TGM7: variants seen among roughly 807,000 people sequenced by gnomAD.
TGM7 encodes transglutaminase 7.
TGM7 carries 74 observed loss-of-function variants against 79.5 expected under a neutral mutation model. The ratio of observed to expected loss-of-function variants is 0.93; its 90% CI spans 0.77 to 1.13. The LOEUF (loss-of-function observed/expected upper bound fraction) is 1.13, where lower values mean the gene tolerates loss of function less well. TGM7 is among the 50% of genes most tolerant of loss of function. The probability of loss-of-function intolerance (pLI) is 0.00; values close to 1 mark genes in which losing one functional copy is unlikely to be tolerated. For missense variants in TGM7, 912 were observed against 905.9 expected, an observed-to-expected ratio of 1.01 and a Z score of -0.09; for synonymous variants, 354 against 362.5, an observed-to-expected ratio of 0.98 and a Z score of 0.27.
intron 11 of TGM7, among the ~76,000 whole-genome samples, chr15:43,277,919 C>T (rs1252544006): frequency 6.6e-6 from 1 of 152,236 alleles, no homozygotes; most frequent in Admixed American, 6.5e-5. Flanking sequence ...GAATCATCTG[C>T]AGATCCCTTA....
At chr15:43,286,772 G>A (rs779564182) in intron 6 of TGM7, among the ~76,000 whole-genome samples, 5 of 152,330 alleles carry the variant, frequency 3.3e-5, no homozygotes, top group Admixed American at 1.3e-4. Flanking sequence ...GCACTGAATT[G>A]TAAATAATTG....
intron 9 of TGM7, among the ~76,000 whole-genome samples, chr15:43,281,120 C>T (rs1214154341): frequency 6.6e-6 from 1 of 152,262 alleles, no homozygotes. Context: ...CTGCATTCCA[C>T]AGGCACTGTT....
In TGM7 at chr15:43,292,905, G is replaced by A. The variant is rs1398792382; in HGVS notation, c.243C>T (p.Thr81=). The stretch of plus-strand genomic sequence containing the variant: ...TCCAGACATTCCCGGGCTGGACCCG[G>A]GTGAGGAAGAATGTGGCTCGGGTCC... ...LLGTRATFFL[T]RVQPGNVWSA... Residue 81 remains threonine (T), a synonymous_variant, in exon 3 of 13, where the codon ACC becomes ACT. Coordinates refer to ENST00000452443, the MANE Select transcript of TGM7 (RefSeq NM_052955.3). 6.2e-7 allele frequency: 1 copy of A among 1,613,730 alleles called. No individual in the cohort carries two copies. Among genetic ancestry groups the A allele is most frequent in the Admixed American group, 1.7e-5 (1 of 59,998 alleles).
chr15:43,293,611 A>C lies in TGM7; in HGVS notation c.31T>G (p.Ser11Ala), dbSNP rs2042975999. Residue 11 changes from serine to alanine, a missense_variant, in exon 2 of 13, where the codon TCT (serine) becomes GCT (alanine). Physicochemically the swap from Ser to Ala is moderately conservative, Grantham distance 99. Coordinates refer to ENST00000452443, the MANE Select transcript of TGM7 (RefSeq NM_052955.3). The part of the protein sequence containing the change: MDQVATLRLE[S>A]VDLQSSRNNK... ...TTCCTGGAGCTCTGCAGGTCGACAG[A>C]CTCAAGCCGCAAGGTTGCCACTAGG... 9 of 1,605,348 alleles carry C rather than the reference A, an allele frequency of 5.6e-6. No individual in the cohort carries two copies. The highest frequency in any genetic ancestry group is 7.6e-6 in the Non-Finnish European group (9 of 1,177,732).
Position 43,292,035 on chromosome 15 carries a change from A to T in TGM7, c.502T>A (p.Phe168Ile). The change falls in exon 4 of 13, where the codon TTT becomes ATT. Residue 168 changes from phenylalanine to isoleucine, a missense_variant. Physicochemically the swap from Phe to Ile is conservative, Grantham distance 21. Transcript: ENST00000452443. ...AATCTTTCATGACCCTTGTAAACAA[A>T]GCCATAATCTCGCATGATATACTCC... ...LQEYIMRDYG[F>I]VYKGHERFIT... is the part of the protein sequence containing the mutation. The T allele has an allele frequency of 1.2e-6, 2 of 1,614,098 alleles. No individual in the cohort carries two copies. The highest frequency in any genetic ancestry group is 1.7e-6 in the Non-Finnish European group (2 of 1,180,018).
At chr15:43,285,938 G>A (rs1241576888) in intron 6 of TGM7, among the ~76,000 whole-genome samples, 4 of 152,174 alleles carry the variant, frequency 2.6e-5, no homozygotes, top group Non-Finnish European at 4.4e-5. Context: ...CTGAGGGGAC[G>A]TGGGTACTGA....
Position 43,287,308 on chromosome 15 carries a change from G to A in TGM7, c.837C>T (p.Cys279=), listed in dbSNP as rs1291964821. Residue 279 remains cysteine, a synonymous_variant, in exon 6 of 13, where the codon TGC becomes TGT. Transcript: ENST00000452443. ...TGCACATAACAGAGGCGAAGACCCA[G>A]CACTGTCCGTACTTCACAGGCTGCC... ...RGGQPVKYGQ[C]WVFASVMCTV... The A allele has an allele frequency of 6.2e-7, 1 of 1,613,832 alleles. No individual in the cohort carries two copies. Among genetic ancestry groups the A allele is most frequent in the Non-Finnish European group, 8.5e-7 (1 of 1,180,006 alleles).
At chr15:43,277,096 T>C in intron 11 of TGM7, 101 bp from the exon 12 acceptor site, 2 of 1,486,636 alleles carry the variant, frequency 1.3e-6, no homozygotes, top group Non-Finnish European at 1.8e-6. Context: ...CACCAGGAAC[T>C]GCGGCTTAGA....
intron 4 of TGM7, among the ~76,000 whole-genome samples, chr15:43,287,904 CAG>C (rs1249572651): frequency 6.6e-6 from 1 of 152,100 alleles, no homozygotes; most frequent in African/African-American, 2.4e-5. Flanking sequence ...AAAATGGAAA[CAG>C]AATTCGGAGA....
At position 43,279,827 on chromosome 15, in the gene TGM7, C is replaced by T. The variant is rs1368479601; in HGVS notation, c.1476G>A (p.Leu492=). The part of the protein sequence containing the change: ...SGGLRDQPAQ[L]QLHLARIPEW... Reference sequence around the variant, plus strand: ...CGGGTATCCTGGCCAGGTGAAGCTGCAGCTGCGCTGGCTGATCCCTAAGAC... The same window carrying T: ...CGGGTATCCTGGCCAGGTGAAGCTGTAGCTGCGCTGGCTGATCCCTAAGAC... Residue 492 remains leucine, a synonymous_variant, in exon 10 of 13, where the codon CTG becomes CTA. Coordinates refer to ENST00000452443, the MANE Select transcript of TGM7 (RefSeq NM_052955.3). 1 of 1,614,138 alleles carries T rather than the reference C, an allele frequency of 6.2e-7. No individual in the cohort carries two copies. The highest frequency in any genetic ancestry group is 1.7e-5 in the Admixed American group (1 of 60,014).
At position 43,284,832 on chromosome 15, in the gene TGM7, T is replaced by C. The variant is rs774680556; in HGVS notation, c.986A>G (p.Gln329Arg). The change falls in exon 7 of 13, where the codon CAG becomes CGG. Residue 329 changes from glutamine (Q) to arginine (R), a missense_variant. Coordinates refer to ENST00000452443, the MANE Select transcript of TGM7 (RefSeq NM_052955.3). ...YDRNAEMLST[Q>R]KRDKIWNFHV... ...CTCTCACCATATTTTGTCTCGTTTC[T>C]GAGTTGACAGCATCTCGGCATTTCG... 1 of 1,614,066 alleles carries C rather than the reference T, an allele frequency of 6.2e-7. No homozygotes were observed. Among genetic ancestry groups the C allele is most frequent in the Non-Finnish European group, 8.5e-7 (1 of 1,180,040 alleles).
rs753850458 is a variant in TGM7, at chr15:43,282,668, G to T, written c.1005-48C>A. ...AAGGATTCATGTTAGCTGAGGTTTT[G>T]CCAGGTACCAGGCACTATACGGAGT... On this transcript the variant is annotated intron_variant, in intron 7 of 12. Transcript: ENST00000452443. 1.0e-5 allele frequency: 15 copies of T among 1,470,264 alleles called. No individual in the cohort carries two copies. The South Asian group carries it at 1.7e-4, about 17-fold the overall frequency. 91.1% of individuals were successfully genotyped at this position (1,470,264 alleles called of 1,614,324 possible).
chr15:43,276,479 G>A lies in TGM7; in HGVS notation c.2109C>T (p.Phe703=), dbSNP rs964729139. 4 of 1,613,834 alleles carry A rather than the reference G, an allele frequency of 2.5e-6. No individual in the cohort carries two copies. Among genetic ancestry groups the A allele is most frequent in the Non-Finnish European group, 2.5e-6 (3 of 1,179,882 alleles). Reference sequence around the variant, plus strand: ...CTCAGGGAGCCCCAGCCACAGTGACGAAGATGTCCTTGTAGCCTTTGATCT... The same window carrying A: ...CTCAGGGAGCCCCAGCCACAGTGACAAAGATGTCCTTGTAGCCTTTGATCT... ...VKEIKGYKDI[F]VTVAGAP is the part of the protein sequence containing the mutation. The change falls in exon 13 of 13, where the codon TTC becomes TTT. Residue 703 remains phenylalanine, a synonymous_variant. Coordinates refer to ENST00000452443, the MANE Select transcript of TGM7 (RefSeq NM_052955.3).
chr15:43,297,895 A>G lies in TGM7; in HGVS notation c.11-4264T>C, dbSNP rs866592066. ...GTTTTCTTCAGGGCACTTAATATCTAGAATTGGTTCCACAAAAGCAAGAGA... is the reference window on the plus strand; with the variant it reads ...GTTTTCTTCAGGGCACTTAATATCTGGAATTGGTTCCACAAAAGCAAGAGA... On this transcript the variant is annotated intron_variant, in intron 1 of 12. Transcript: ENST00000452443. 2.6e-5 allele frequency among the ~76,000 whole-genome samples: 4 copies of G among 152,232 alleles called. No homozygotes were observed. In the South Asian group the frequency reaches 8.3e-4, roughly 32 times the overall value.
intron 11 of TGM7, 85 bp downstream of exon 11, chr15:43,279,032 C>T: frequency 7.0e-7 from 1 of 1,434,784 alleles, no homozygotes; most frequent in Non-Finnish European, 9.5e-7. Context: ...GAGGTGGGAA[C>T]AGTGTCTTGT....
chr15:43,293,438 G>T lies in TGM7; in HGVS notation c.193+11C>A. ...CGGAACCTGCGGGGCCTTGGGACAG[G>T]GCAAACTCACCGGTCTCAGCCACAA... On this transcript the variant is annotated intron_variant, in intron 2 of 12. Coordinates refer to ENST00000452443, the MANE Select transcript of TGM7 (RefSeq NM_052955.3). 6.3e-7 allele frequency: 1 copy of T among 1,591,502 alleles called. No homozygotes were observed.
intron 7 of TGM7, 143 bp downstream of exon 7, chr15:43,284,671 G>T: frequency 2.0e-6 from 2 of 1,005,128 alleles, no homozygotes; most frequent in Non-Finnish European, 3.0e-6. Flanking sequence ...CTCCTGGGTT[G>T]GGGAATTCTT....
At chr15:43,288,316 C>T (rs1443079686) in intron 4 of TGM7, among the ~76,000 whole-genome samples, 1 of 152,162 alleles carries the variant, frequency 6.6e-6, no homozygotes, top group Non-Finnish European at 1.5e-5. Flanking sequence ...GGAAAACGTG[C>T]TCTCCCTCAG....
intron 8 of TGM7, 59 bp downstream of exon 8, chr15:43,282,458 C>T: frequency 1.4e-6 from 2 of 1,448,518 alleles, no homozygotes; most frequent in South Asian, 1.2e-5. Flanking sequence ...CTCCCACGGC[C>T]AGTCACCCTA....
Sources: gnomAD v4.1 joint callset for allele counts (sites outside exome capture counted in the v4.1 genomes callset) on GRCh38, gnomAD v4.1.1 for gene constraint, MANE v1.5 for transcripts, NCBI Gene and HGNC (gene_info 2026-07-23, HGNC 2026-07-21) for gene names.